The following CELF2 variants were observed in gnomAD, a reference collection of about 807,000 sequenced individuals.
The protein encoded by CELF2 is CUG triplet repeat RNA-binding protein 2.
In CELF2, 8 loss-of-function variants were observed where a neutral mutation model predicts 62.6. That is an observed-to-expected ratio of 0.13 (90% CI 0.07 to 0.23). The LOEUF is 0.23. Among genes scored for constraint, CELF2 ranks in the 10% least tolerant of loss-of-function variants. The pLI, the probability that CELF2 is intolerant of heterozygous loss-of-function variation, is 1.00. For synonymous variants in CELF2, 258 were observed against 250.0 expected (o/e 1.03, Z -0.30); for missense variants, 333 against 671.0 (o/e 0.50, Z 5.56).
chr10:10,686,684 C>T, the CELF2 span, among the ~76,000 whole-genome samples: 3 of 152,144 alleles, frequency 2.0e-5, no homozygotes, highest in Non-Finnish European at 2.9e-5. Flanking sequence ...GTAAGACATG[C>T]CTGTTTCACC....
the CELF2 span, among the ~76,000 whole-genome samples, chr10:10,738,730 A>G: frequency 1.1e-4 from 17 of 152,206 alleles, no homozygotes; most frequent in Non-Finnish European, 8.8e-5. Flanking sequence ...AAGGTCATCA[A>G]ACATAGGCAA....
chr10:10,672,760 A>C, the CELF2 span, among the ~76,000 whole-genome samples: 1 of 152,050 alleles, frequency 6.6e-6, no homozygotes, highest in Middle Eastern at 3.2e-3. Flanking sequence ...GTTCTTCAAT[A>C]ATGTGTTGGC....
At chr10:10,976,575 T>G (rs2051364724) in intron 2 of CELF2, among the ~76,000 whole-genome samples, 1 of 152,216 alleles carries the variant, frequency 6.6e-6, no homozygotes. Flanking sequence ...CTTTTTCTTG[T>G]CTTCCCCTTT....
chr10:11,250,173 A>G (rs2076721211), intron 4 of CELF2, among the ~76,000 whole-genome samples: 1 of 152,222 alleles, frequency 6.6e-6, no homozygotes, highest in Non-Finnish European at 1.5e-5. Context: ...ATTCCAAGTC[A>G]TAGCATGGTG....
chr10:10,721,208 G>A, the CELF2 span, among the ~76,000 whole-genome samples: 1 of 152,220 alleles, frequency 6.6e-6, no homozygotes, highest in Non-Finnish European at 1.5e-5. Flanking sequence ...TATTTGGGGA[G>A]AGAAGCCAAA....
At chr10:10,734,263 A>G in the CELF2 span, among the ~76,000 whole-genome samples, 1 of 152,236 alleles carries the variant, frequency 6.6e-6, no homozygotes, top group African/African-American at 2.4e-5. Context: ...TGCTATTGGT[A>G]ATAGCACATA....
intron 1 of CELF2, among the ~76,000 whole-genome samples, chr10:10,830,279 T>TAAA (rs57725749): frequency 0.19 from 22,764 of 122,166 alleles, 2,327 homozygotes; most frequent in Non-Finnish European, 0.23. Context: ...GGAGTTCCTT[T>TAAA]AAAAAAAAAA....
chr10:10,913,587 C>T (rs1182386222), intron 1 of CELF2, among the ~76,000 whole-genome samples: 2 of 137,966 alleles, frequency 1.4e-5, no homozygotes, highest in African/African-American at 3.2e-5. Flanking sequence ...GATGGGGTTT[C>T]ACCATGTTGC....
intron 1 of CELF2, among the ~76,000 whole-genome samples, chr10:10,831,363 G>A (rs906081826): frequency 3.9e-5 from 6 of 152,212 alleles, no homozygotes; most frequent in African/African-American, 1.4e-4. Flanking sequence ...GGTTTCCGAA[G>A]CCACGCTGCC....
chr10:10,659,681 C>A, the CELF2 span, among the ~76,000 whole-genome samples: 1 of 152,182 alleles, frequency 6.6e-6, no homozygotes, highest in Admixed American at 6.5e-5. Flanking sequence ...GACTTCCAGA[C>A]ACACAGATCT....
intron 1 of CELF2, among the ~76,000 whole-genome samples, chr10:11,028,613 G>T (rs1474828717): frequency 1.3e-5 from 2 of 151,070 alleles, no homozygotes; most frequent in African/African-American, 4.9e-5. Flanking sequence ...TAAAGATGGG[G>T]TTTCACCATG....
intron 2 of CELF2, chr10:11,169,217 T>C (rs2068110008): frequency 6.6e-6 from 1 of 152,198 alleles, no homozygotes; most frequent in Admixed American, 6.5e-5. Flanking sequence ...TCTCCATCAA[T>C]GTCTCCAAGA....
the CELF2 span, among the ~76,000 whole-genome samples, chr10:10,698,718 G>C: frequency 5.3e-5 from 8 of 152,096 alleles, no homozygotes; most frequent in South Asian, 1.4e-3. Flanking sequence ...TCTCATAGCG[G>C]TCATCGATTT....
intron 2 of CELF2, among the ~76,000 whole-genome samples, chr10:11,182,772 T>A (rs1453100667): frequency 1.3e-5 from 2 of 152,208 alleles, no homozygotes; most frequent in Non-Finnish European, 2.9e-5. Context: ...GTTGGCCCTG[T>A]TGTGTTAATG....
chr10:11,105,237 A>G (rs1434594710), intron 1 of CELF2, among the ~76,000 whole-genome samples: 5 of 152,222 alleles, frequency 3.3e-5, no homozygotes, highest in Non-Finnish European at 7.3e-5. Context: ...TTCTGGAGCC[A>G]GCCTGGCTGG....
At position 11,211,268 on chromosome 10, in the gene CELF2, G is replaced by A. The variant is rs756565915; in HGVS notation, c.272-6157G>A. Among the ~76,000 whole-genome samples, 6 of 152,212 alleles carry A rather than the reference G, an allele frequency of 3.9e-5. No homozygotes were observed. The highest frequency in any genetic ancestry group is 8.8e-5 in the Non-Finnish European group (6 of 68,040). On this transcript the variant is annotated intron_variant, in intron 2 of 12. Transcript: ENST00000633077. The surrounding 1 kb of genome is among the most constrained non-coding windows in gnomAD (Gnocchi z 4.8). ...CACTCTAACCTGGGGAACAGAGTGA[G>A]ATCCTGTCTCTTAAAACAAAAATTG...
chr10:10,845,178 G>C (rs970613630), intron 1 of CELF2, among the ~76,000 whole-genome samples: 2 of 152,046 alleles, frequency 1.3e-5, no homozygotes, highest in African/African-American at 4.8e-5. Flanking sequence ...TCTTGCTTGA[G>C]TATTCAGTGT....
chr10:10,606,390 T>G, the CELF2 span, among the ~76,000 whole-genome samples: 1 of 152,150 alleles, frequency 6.6e-6, no homozygotes. Context: ...TTACATAAAT[T>G]CCTTGAGAAT....
intron 2 of CELF2, among the ~76,000 whole-genome samples, chr10:10,986,536 T>C (rs2052771222): frequency 6.6e-6 from 1 of 152,228 alleles, no homozygotes. Context: ...TGATACCCAA[T>C]TAGTAGAAAT....
Sources: gnomAD v4.1 joint callset for allele counts (sites outside exome capture counted in the v4.1 genomes callset) on GRCh38, gnomAD v4.1.1 for gene constraint, Gnocchi (gnomAD v3.1) non-coding constraint, MANE v1.5 for transcripts, NCBI Gene and HGNC (gene_info 2026-07-23, HGNC 2026-07-21) for gene names.